Variants in ARID4B observed in about 807,000 individuals in gnomAD.
The protein encoded by ARID4B is AT-rich interactive domain-containing protein 4B.
Under a neutral mutation model 147.5 loss-of-function variants are expected in ARID4B, and 26 were observed. The observed-to-expected ratio is 0.18, with a 90% CI of 0.13 to 0.24. The LOEUF is 0.24. Ranked by LOEUF, ARID4B falls within the 10% of genes least tolerant of loss-of-function variation. The pLI, the probability that ARID4B is intolerant of heterozygous loss-of-function variation, is 1.00. For missense variants in ARID4B, 1,179 were observed against 1,511.5 expected, an observed-to-expected ratio of 0.78 and a Z score of 3.65; for synonymous variants, 512 against 507.9, an observed-to-expected ratio of 1.01 and a Z score of -0.11.
At chr1:235,250,343 C>T (rs978182780) in intron 6 of ARID4B, among the ~76,000 whole-genome samples, 3 of 151,966 alleles carry the variant, frequency 2.0e-5, no homozygotes, top group African/African-American at 7.2e-5. Context: ...CTTTCAAAAA[C>T]GTTAAAACTT....
chr1:235,242,954 T>C (rs1165097420), intron 7 of ARID4B, among the ~76,000 whole-genome samples: 1 of 152,182 alleles, frequency 6.6e-6, no homozygotes, highest in African/African-American at 2.4e-5. Context: ...CATTCACTTT[T>C]ATCATACTAT....
chr1:235,264,845 G>C (rs1670501683), intron 2 of ARID4B, among the ~76,000 whole-genome samples: 1 of 151,590 alleles, frequency 6.6e-6, no homozygotes, highest in South Asian at 2.1e-4. Flanking sequence ...ATTACCTGAA[G>C]GTCAGGAGTT....
chr1:235,314,973 A>G (rs1318779047), intron 2 of ARID4B, among the ~76,000 whole-genome samples: 1 of 152,218 alleles, frequency 6.6e-6, no homozygotes, highest in African/African-American at 2.4e-5. Flanking sequence ...CTCATAAGCA[A>G]TTATACCCTG....
intron 2 of ARID4B, among the ~76,000 whole-genome samples, chr1:235,314,357 CACA>C (rs1392860501): frequency 6.6e-6 from 1 of 152,162 alleles, no homozygotes; most frequent in Non-Finnish European, 1.5e-5. Context: ...TTCATATTTA[CACA>C]ACTTTACAAG....
intron 21 of ARID4B, chr1:235,175,712 A>G (rs768246411): frequency 1.7e-5 from 4 of 239,134 alleles, no homozygotes; most frequent in Non-Finnish European, 2.4e-5. Context: ...AATACATAAA[A>G]TATATCATCT....
chr1:235,307,730 T>C (rs922861804), intron 2 of ARID4B, among the ~76,000 whole-genome samples: 2 of 152,218 alleles, frequency 1.3e-5, no homozygotes, highest in African/African-American at 2.4e-5. Context: ...CAACGCAAAA[T>C]TACTTGTGGC....
intron 11 of ARID4B, among the ~76,000 whole-genome samples, 174 bp from the exon 12 acceptor site, chr1:235,224,949 T>C (rs1667729740): frequency 6.6e-6 from 1 of 152,190 alleles, no homozygotes; most frequent in Non-Finnish European, 1.5e-5. Flanking sequence ...AGTCTAGACA[T>C]TTTATGTTTT....
intron 2 of ARID4B, among the ~76,000 whole-genome samples, chr1:235,307,251 C>G (rs1285270825): frequency 6.6e-6 from 1 of 152,104 alleles, no homozygotes; most frequent in African/African-American, 2.4e-5. Flanking sequence ...CAAGACCAAC[C>G]TGGGAAACAC....
intron 2 of ARID4B, 150 bp downstream of exon 2, chr1:235,326,764 C>G (rs1675300538): frequency 3.2e-6 from 3 of 938,076 alleles, no homozygotes; most frequent in African/African-American, 3.3e-5. Context: ...GCCAGCTGAC[C>G]CCGGTCTCTC....
At chr1:235,266,541 A>G (rs570521885) in intron 2 of ARID4B, among the ~76,000 whole-genome samples, 2 of 152,346 alleles carry the variant, frequency 1.3e-5, no homozygotes, top group South Asian at 4.1e-4. Context: ...CATTGCTTAA[A>G]TAATTATTTT....
At chr1:235,286,463 T>C (rs1011480787) in intron 2 of ARID4B, among the ~76,000 whole-genome samples, 5 of 152,206 alleles carry the variant, frequency 3.3e-5, no homozygotes, top group African/African-American at 4.8e-5. Flanking sequence ...TAAGTTACCA[T>C]ATGAAGTTAA....
intron 2 of ARID4B, among the ~76,000 whole-genome samples, chr1:235,313,036 C>A (rs1021541425): frequency 1.3e-5 from 2 of 152,056 alleles, no homozygotes; most frequent in African/African-American, 4.8e-5. Flanking sequence ...CAAGATAAAA[C>A]TGAAAATGTG....
chr1:235,184,414 A>C (rs142204616), intron 19 of ARID4B, among the ~76,000 whole-genome samples: 35 of 152,230 alleles, frequency 2.3e-4, no homozygotes, highest in Non-Finnish European at 4.3e-4. Flanking sequence ...AAAAACAAAC[A>C]AACAAAAAGC....
At chr1:235,204,978 A>T (rs562190351) in intron 17 of ARID4B, among the ~76,000 whole-genome samples, 1 of 152,336 alleles carries the variant, frequency 6.6e-6, no homozygotes, top group South Asian at 2.1e-4. Flanking sequence ...GTTAACTCAA[A>T]AGCCACTCTC....
chr1:235,257,772 C>T (rs149850032), intron 3 of ARID4B, among the ~76,000 whole-genome samples: 12 of 152,236 alleles, frequency 7.9e-5, no homozygotes, highest in Non-Finnish European at 1.6e-4. Flanking sequence ...TGAGTCACCA[C>T]GCCTGGTCCC....
intron 13 of ARID4B, among the ~76,000 whole-genome samples, chr1:235,222,535 C>G (rs989360941): frequency 6.6e-6 from 1 of 152,068 alleles, no homozygotes; most frequent in Admixed American, 6.5e-5. Context: ...GATCCCTGCT[C>G]TTAAGGAGCA....
intron 21 of ARID4B, among the ~76,000 whole-genome samples, chr1:235,176,437 CAAAAAAAAAAAAA>C (rs34808765): frequency 0.13 from 3,022 of 22,702 alleles, 198 homozygotes; most frequent in African/African-American, 0.27. Flanking sequence ...ACAACATCAC[CAAAAAAAAAAAAA>C]AAAAAAAAAA....
At chr1:235,308,605 C>T (rs1051141549) in intron 2 of ARID4B, among the ~76,000 whole-genome samples, 6 of 152,102 alleles carry the variant, frequency 3.9e-5, no homozygotes, top group Non-Finnish European at 1.5e-5. Flanking sequence ...CTGCCGAGTG[C>T]CCGCGATTGC....
intron 2 of ARID4B, among the ~76,000 whole-genome samples, chr1:235,276,581 G>A (rs1671329176): frequency 6.6e-6 from 1 of 152,090 alleles, no homozygotes; most frequent in Non-Finnish European, 1.5e-5. Context: ...AGGATTGCTT[G>A]AGCCCAGAAG....
Sources: gnomAD v4.1 joint callset for allele counts (sites outside exome capture counted in the v4.1 genomes callset) on GRCh38, gnomAD v4.1.1 for gene constraint, MANE v1.5 for transcripts, NCBI Gene and HGNC (gene_info 2026-07-23, HGNC 2026-07-21) for gene names.